ADGRG4: variants seen among roughly 807,000 people sequenced by gnomAD.
ADGRG4 encodes the protein adhesion G protein-coupled receptor G4.
Under a neutral mutation model 126.2 loss-of-function variants are expected in ADGRG4, and 122 were observed. That is an observed-to-expected ratio of 0.97 (90% confidence interval 0.83 to 1.12). ADGRG4 has a LOEUF of 1.12. ADGRG4 is among the 50% of genes most tolerant of loss of function. ADGRG4 has a pLI of 0.00. For synonymous variants in ADGRG4, 943 were observed against 838.7 expected (o/e 1.12, Z -2.15); for missense variants, 2,481 against 2,251.8 (o/e 1.10, Z -2.06).
chrX:136,403,443 C>T (rs1014514510), intron 22 of ADGRG4, 121 bp downstream of exon 22: 6 of 515,736 alleles, frequency 1.2e-5, no homozygotes, highest in Non-Finnish European at 1.9e-5. Flanking sequence ...AACCTAAGTC[C>T]TTTTGCCCTA....
intron 5 of ADGRG4, among the ~76,000 whole-genome samples, chrX:136,327,339 C>G (rs1190636180): frequency 9.1e-6 from 1 of 110,373 alleles, no homozygotes; most frequent in Non-Finnish European, 1.9e-5. Flanking sequence ...ATGGGTGTAG[C>G]ACACCAACAT....
chrX:136,360,115 G>A (rs2075118788), intron 11 of ADGRG4, among the ~76,000 whole-genome samples: 1 of 111,158 alleles, frequency 9.0e-6, no homozygotes, highest in Non-Finnish European at 1.9e-5. Flanking sequence ...GTGAAATGGG[G>A]GGCAGAAACG....
rs754166508 is a variant in ADGRG4 at position 136,317,226 on chromosome X, C to T, written c.71-5552C>T. Among the ~76,000 whole-genome samples, 9 of 110,678 alleles carry T rather than the reference C, an allele frequency of 8.1e-5. No homozygotes were observed. In the South Asian group the frequency reaches 3.5e-3, roughly 43 times the overall value. ...AGAAATGACACCAAAAGCGGCCGGG[C>T]GTGGTGTCTCACACCTGTAATCCCA... On this transcript the variant is annotated intron_variant, in intron 4 of 25. Coordinates refer to ENST00000394143, the MANE Select transcript of ADGRG4 (RefSeq NM_153834.4).
intron 4 of ADGRG4, 101 bp from the exon 5 acceptor site, chrX:136,322,677 T>C (rs1483270190): frequency 5.7e-6 from 4 of 707,325 alleles, no homozygotes; most frequent in Admixed American, 3.4e-5. Context: ...CTCATAATTA[T>C]ATTGTATAAC....
intron 15 of ADGRG4, among the ~76,000 whole-genome samples, chrX:136,380,670 T>TTCTTCTTCTTCC (rs1569333083): frequency 1.6e-5 from 1 of 62,352 alleles, no homozygotes; most frequent in Admixed American, 1.6e-4. Context: ...CCTCCTCCTC[T>TTCTTCTTCTTCC]TCCTCCTCCT....
chrX:136,381,261 T>C (rs375042660), intron 15 of ADGRG4, among the ~76,000 whole-genome samples: 2 of 110,933 alleles, frequency 1.8e-5, no homozygotes, highest in Admixed American at 9.6e-5. Context: ...TATCGTATTA[T>C]TATTTTTTCA....
At chrX:136,303,294 A>G (rs931226597) in intron 1 of ADGRG4, among the ~76,000 whole-genome samples, 1 of 109,836 alleles carries the variant, frequency 9.1e-6, no homozygotes, top group African/African-American at 3.3e-5. Context: ...CTCTACAAAA[A>G]CTACAAAAAT....
At chrX:136,398,638 C>G (rs1250037115) in intron 20 of ADGRG4, among the ~76,000 whole-genome samples, 1 of 112,084 alleles carries the variant, frequency 8.9e-6, no homozygotes, top group Admixed American at 9.5e-5. Context: ...CAAGTGTCAA[C>G]AAGCATGTGG....
chrX:136,405,309 G>C (rs1490296524), intron 22 of ADGRG4, among the ~76,000 whole-genome samples: 1 of 106,771 alleles, frequency 9.4e-6, no homozygotes, highest in South Asian at 4.0e-4. Context: ...AGGTGGTGGC[G>C]GGGGGGCAGG....
At chrX:136,327,323 G>A (rs906653095) in intron 5 of ADGRG4, among the ~76,000 whole-genome samples, 4 of 110,673 alleles carry the variant, frequency 3.6e-5, no homozygotes, top group Admixed American at 9.7e-5. Context: ...GTTAGATGAC[G>A]GGTTGATGGG....
At chrX:136,305,595 G>A (rs1040975383) in intron 3 of ADGRG4, among the ~76,000 whole-genome samples, 1 of 112,169 alleles carries the variant, frequency 8.9e-6, no homozygotes, top group East Asian at 2.8e-4. Context: ...CTTTCAAGGC[G>A]ACTTGAAGAA....
chrX:136,388,250 C>T (rs999766207), intron 16 of ADGRG4, among the ~76,000 whole-genome samples: 3 of 112,054 alleles, frequency 2.7e-5, no homozygotes, highest in African/African-American at 3.3e-5. Context: ...CTATTCTTGG[C>T]CAATTCCTTT....
In ADGRG4 at chrX:136,323,298, T is replaced by C; in HGVS notation, c.591T>C (p.Phe197=). ...ACCACATCCTGGAAAACGAAGAGTTTATGAAGTGTTTAGATGGAAATATAG... is the reference window on the plus strand; with the variant it reads ...ACCACATCCTGGAAAACGAAGAGTTCATGAAGTGTTTAGATGGAAATATAG... The part of the protein sequence containing the change: ...LWDHILENEE[F]MKCLDGNIVS... Residue 197 remains phenylalanine (F), a synonymous_variant, in exon 5 of 26, where the codon TTT becomes TTC. Coordinates refer to ENST00000394143, the MANE Select transcript of ADGRG4 (RefSeq NM_153834.4). 1 of 1,210,295 alleles carries C rather than the reference T, an allele frequency of 8.3e-7. No homozygotes were observed. The highest frequency in any genetic ancestry group is 1.1e-6 in the Non-Finnish European group (1 of 894,712).
chrX:136,344,985 G>A lies in ADGRG4; in HGVS notation c.1279G>A (p.Ala427Thr), dbSNP rs754146292. The change falls in exon 6 of 26, where the codon GCA becomes ACA. Residue 427 changes from alanine (A) to threonine (T), a missense_variant. By Grantham distance (58) the Ala-to-Thr change is moderately conservative (BLOSUM62 0). Transcript: ENST00000394143. ...CAAACAAAAATCCACAAATACTGGG[G>A]CACTCCCTATCTCCACAGCTGGCCA... is the stretch of plus-strand genomic sequence containing the variant. ...CLKQKSTNTG[A>T]LPISTAGQEF... is the part of the protein sequence containing the mutation. 9 of 1,209,302 alleles carry A rather than the reference G, an allele frequency of 7.4e-6. No individual in the cohort carries two copies. Among genetic ancestry groups the A allele is most frequent in the Non-Finnish European group, 7.8e-6 (7 of 894,714 alleles).
chrX:136,350,405 G>A lies in ADGRG4; in HGVS notation c.6699G>A (p.Ser2233=), dbSNP rs1281865179. ...STPSFLSTEA[S]TSPTATKSTV... ...CTTCCTTTCTATCTACGGAAGCATC[G>A]ACTTCGCCTACTGCCACCAAGTCCA... is the stretch of plus-strand genomic sequence containing the variant. The change falls in exon 6 of 26, where the codon TCG becomes TCA. Residue 2233 remains serine (S), a synonymous_variant. Transcript: ENST00000394143. 6 of 1,206,975 alleles carry A rather than the reference G, an allele frequency of 5.0e-6. No homozygotes were observed. The highest frequency in any genetic ancestry group is 6.7e-6 in the Non-Finnish European group (6 of 893,415).
chrX:136,336,383 C>T (rs914706962), intron 5 of ADGRG4, among the ~76,000 whole-genome samples: 8 of 111,534 alleles, frequency 7.2e-5, no homozygotes, highest in African/African-American at 2.6e-4. Flanking sequence ...TTGTTCAGAA[C>T]TTCTATATAC....
chrX:136,311,227 G>A (rs1292539029), intron 4 of ADGRG4, among the ~76,000 whole-genome samples: 1 of 110,997 alleles, frequency 9.0e-6, no homozygotes, highest in Non-Finnish European at 1.9e-5. Context: ...CACATTAGAG[G>A]TTGGGGCTTC....
At chrX:136,402,075 A>G (rs949254480) in intron 21 of ADGRG4, among the ~76,000 whole-genome samples, 2 of 112,304 alleles carry the variant, frequency 1.8e-5, no homozygotes, top group Non-Finnish European at 1.9e-5. Context: ...GGAGCATTTC[A>G]ATATTAGACA....
At position 136,345,193 on chromosome X, in the gene ADGRG4, C is replaced by G. The variant is rs757150313; in HGVS notation, c.1487C>G (p.Thr496Ser). Residue 496 changes from threonine to serine, a missense_variant, in exon 6 of 26, where the codon ACT (threonine) becomes AGT (serine). Physicochemically the swap from Thr to Ser is moderately conservative, Grantham distance 58. Transcript: ENST00000394143. ...RNQTAFPLATTDMKIAFTVHS... is the reference protein window; with the variant it reads ...RNQTAFPLATSDMKIAFTVHS... ...CAGACAGCATTTCCATTGGCAACAA[C>G]TGATATGAAAATAGCATTTACAGTC... is the stretch of plus-strand genomic sequence containing the variant. 1 of 1,208,415 alleles carries G rather than the reference C, an allele frequency of 8.3e-7. No homozygotes were observed. Among genetic ancestry groups the G allele is most frequent in the South Asian group, 1.8e-5 (1 of 56,774 alleles).
Sources: gnomAD v4.1 joint callset for allele counts (sites outside exome capture counted in the v4.1 genomes callset) on GRCh38, gnomAD v4.1.1 for gene constraint, MANE v1.5 for transcripts, NCBI Gene and HGNC (gene_info 2026-07-23, HGNC 2026-07-21) for gene names.